Variants in PCDHA9 observed in about 807,000 individuals in gnomAD.
The protein encoded by PCDHA9 is protocadherin alpha-9.
Under a neutral mutation model 62.0 loss-of-function variants are expected in PCDHA9, and 62 were observed. The observed-to-expected ratio is 1.00, with a 90% CI of 0.81 to 1.23. PCDHA9 has a LOEUF of 1.23. PCDHA9 is among the 50% of genes most tolerant of loss of function. The probability of loss-of-function intolerance (pLI) is 0.00; values close to 1 mark genes in which losing one functional copy is unlikely to be tolerated. For synonymous variants in PCDHA9, 557 were observed against 567.6 expected, an observed-to-expected ratio of 0.98 and a Z score of 0.27; for missense variants, 1,205 against 1,249.8, an observed-to-expected ratio of 0.96 and a Z score of 0.54.
At chr5:140,861,739 G>A (rs2047048069) in intron 1 of PCDHA9, 3 of 159,798 alleles carry the variant, frequency 1.9e-5, no homozygotes, top group Admixed American at 1.3e-4. Context: ...CTTACATACT[G>A]TGCCGCAATG....
chr5:140,992,017 CTGTGTGTGTG>C (rs10602499), intron 3 of PCDHA9, among the ~76,000 whole-genome samples: 1 of 145,512 alleles, frequency 6.9e-6, no homozygotes, highest in Non-Finnish European at 1.5e-5. Context: ...AGAGGTGGCT[CTGTGTGTGTG>C]TGTGTGTGTG....
intron 1 of PCDHA9, among the ~76,000 whole-genome samples, chr5:140,878,995 A>G (rs2057802646): frequency 6.6e-6 from 1 of 152,246 alleles, no homozygotes; most frequent in South Asian, 2.1e-4. Context: ...AAATGAGAGT[A>G]TGCCCTAGAA....
chr5:140,884,174 C>T (rs540874524), intron 1 of PCDHA9: 6 of 1,613,436 alleles, frequency 3.7e-6, no homozygotes, highest in Middle Eastern at 1.7e-4. Flanking sequence ...CACGACGCGC[C>T]CTCTGGACGA....
At chr5:140,989,105 T>G (rs550881823) in intron 3 of PCDHA9, 2 of 152,232 alleles carry the variant, frequency 1.3e-5, no homozygotes, top group African/African-American at 4.8e-5. Flanking sequence ...GAAACAACTT[T>G]TGAATATATC....
chr5:140,861,476 C>A, intron 1 of PCDHA9: 2 of 493,220 alleles, frequency 4.1e-6, no homozygotes, highest in Admixed American at 2.1e-5. Flanking sequence ...TGCAGAATGG[C>A]ATTTTTGTGA....
At chr5:140,990,224 G>T (rs1368393390) in intron 3 of PCDHA9, among the ~76,000 whole-genome samples, 1 of 152,160 alleles carries the variant, frequency 6.6e-6, no homozygotes, top group Non-Finnish European at 1.5e-5. Flanking sequence ...GAAGTTTATT[G>T]TAACTAGCGT....
intron 1 of PCDHA9, among the ~76,000 whole-genome samples, chr5:140,903,726 A>G (rs2070539731): frequency 6.6e-6 from 1 of 152,248 alleles, no homozygotes; most frequent in South Asian, 2.1e-4. Context: ...TCTCCCTATT[A>G]TCAATTATTA....
At chr5:140,896,089 G>GGATTA (rs2065370419) in intron 1 of PCDHA9, among the ~76,000 whole-genome samples, 1 of 152,010 alleles carries the variant, frequency 6.6e-6, no homozygotes, top group Non-Finnish European at 1.5e-5. Flanking sequence ...GGGATTACAG[G>GGATTA]CGTGAGCCAC....
chr5:140,966,313 C>G, intron 1 of PCDHA9: 1 of 386,824 alleles, frequency 2.6e-6, no homozygotes. Flanking sequence ...CGTGTTCCTG[C>G]GGTCCGCTGG....
chr5:140,887,787 C>T (rs782343895), intron 1 of PCDHA9, among the ~76,000 whole-genome samples: 8 of 152,080 alleles, frequency 5.3e-5, no homozygotes, highest in African/African-American at 9.7e-5. Flanking sequence ...GTCATTGAAG[C>T]GTTCTTTATT....
chr5:140,923,792 T>G (rs2081513332), intron 1 of PCDHA9, among the ~76,000 whole-genome samples: 1 of 152,310 alleles, frequency 6.6e-6, no homozygotes, highest in South Asian at 2.1e-4. Flanking sequence ...CTTCATTCTT[T>G]TCACAAATGA....
intron 1 of PCDHA9, chr5:140,883,169 G>C (rs1554177001): frequency 6.2e-7 from 1 of 1,613,950 alleles, no homozygotes; most frequent in Admixed American, 1.7e-5. Flanking sequence ...GAACAATGGA[G>C]AAATTAGGAC....
intron 1 of PCDHA9, chr5:140,868,337 C>T (rs1380091281): frequency 1.3e-5 from 2 of 151,836 alleles, no homozygotes; most frequent in African/African-American, 2.4e-5. Context: ...TATAAAGTCA[C>T]TTATAATCAG....
intron 3 of PCDHA9, among the ~76,000 whole-genome samples, chr5:141,007,365 A>G (rs1027558453): frequency 6.7e-6 from 1 of 149,886 alleles, no homozygotes; most frequent in African/African-American, 2.5e-5. Context: ...AGCCTGGGCA[A>G]CATGATGGAA....
At chr5:140,870,052 A>G (rs782520778) in intron 1 of PCDHA9, 7 of 1,613,830 alleles carry the variant, frequency 4.3e-6, no homozygotes, top group Non-Finnish European at 5.1e-6. Flanking sequence ...GTTTTATAAA[A>G]TTGAAGTACA....
chr5:140,877,652 C>G (rs1456022709), intron 1 of PCDHA9: 1 of 1,613,520 alleles, frequency 6.2e-7, no homozygotes, highest in Non-Finnish European at 8.5e-7. Context: ...TCAGCGCCGC[C>G]CACCGTGAGC....
chr5:140,934,998 T>A (rs1242919330), intron 1 of PCDHA9, among the ~76,000 whole-genome samples: 1 of 152,198 alleles, frequency 6.6e-6, no homozygotes, highest in Non-Finnish European at 1.5e-5. Flanking sequence ...CCCTGAATCC[T>A]TTTCATGTGA....
intron 1 of PCDHA9, chr5:140,859,356 A>C (rs1159666697): frequency 7.9e-6 from 2 of 251,624 alleles, no homozygotes; most frequent in Admixed American, 9.1e-5. Flanking sequence ...TACTGATCTG[A>C]TATATTGTAT....
At chr5:140,989,315 C>T (rs1285439327) in intron 3 of PCDHA9, among the ~76,000 whole-genome samples, 1 of 152,130 alleles carries the variant, frequency 6.6e-6, no homozygotes, top group East Asian at 1.9e-4. Flanking sequence ...AGTAGGGTCT[C>T]ACCAACTTTG....
Sources: allele counts gnomAD v4.1 joint callset (sites outside exome capture counted in the v4.1 genomes callset), GRCh38; gene constraint gnomAD v4.1.1; transcripts MANE v1.5; gene names NCBI Gene and HGNC (gene_info 2026-07-23, HGNC 2026-07-21).